MAP3K3: variants seen among roughly 807,000 people sequenced by gnomAD.
MAP3K3 encodes the protein mitogen-activated protein kinase kinase kinase 3.
MAP3K3 carries 12 observed loss-of-function variants against 80.9 expected under a neutral mutation model. The observed-to-expected ratio is 0.15, with a 90% CI of 0.10 to 0.24. The LOEUF is 0.24. Ranked by LOEUF, MAP3K3 falls within the 10% of genes least tolerant of loss-of-function variation. The pLI, the probability that MAP3K3 is intolerant of heterozygous loss-of-function variation, is 1.00. For missense variants in MAP3K3, 596 were observed against 834.7 expected (o/e 0.71, Z 3.52); for synonymous variants, 272 against 307.1 (o/e 0.89, Z 1.19).
At chr17:63,659,885 A>T (rs902881530) in intron 5 of MAP3K3, among the ~76,000 whole-genome samples, 2 of 152,106 alleles carry the variant, frequency 1.3e-5, no homozygotes, top group Non-Finnish European at 2.9e-5. Context: ...AATAAACTAG[A>T]GGTATATAAA....
intron 1 of MAP3K3, among the ~76,000 whole-genome samples, chr17:63,623,865 G>C (rs527915020): frequency 6.6e-6 from 1 of 152,306 alleles, no homozygotes; most frequent in African/African-American, 2.4e-5. Context: ...TGTGAAGAGG[G>C]AGCCTTAATG....
At chr17:63,684,426 A>T (rs1279691519) in intron 7 of MAP3K3, among the ~76,000 whole-genome samples, 5 of 152,206 alleles carry the variant, frequency 3.3e-5, no homozygotes, top group Admixed American at 2.6e-4. Context: ...TGGCTATCCT[A>T]TATCCTTAGC....
chr17:63,652,716 C>T (rs1253617025), intron 4 of MAP3K3, 60 bp downstream of exon 4: 2 of 1,114,392 alleles, frequency 1.8e-6, no homozygotes, highest in Admixed American at 1.8e-5. Flanking sequence ...TTTTTTCTCT[C>T]TGTTTACCAG....
chr17:63,638,479 C>T (rs903226367), intron 2 of MAP3K3, among the ~76,000 whole-genome samples: 1 of 152,112 alleles, frequency 6.6e-6, no homozygotes, highest in African/African-American at 2.4e-5. Context: ...GCTGTTGAGT[C>T]CAGACTTTGA....
chr17:63,646,602 A>G (rs1466093973), intron 3 of MAP3K3, among the ~76,000 whole-genome samples: 4 of 152,214 alleles, frequency 2.6e-5, no homozygotes, highest in Non-Finnish European at 5.9e-5. Flanking sequence ...GGACATAGAA[A>G]GAGGGAGTTT....
chr17:63,660,766 AT>A (rs749990089), intron 5 of MAP3K3, among the ~76,000 whole-genome samples: 2 of 147,638 alleles, frequency 1.4e-5, no homozygotes, highest in African/African-American at 2.5e-5. Context: ...CTAATTTTGT[AT>A]TTTTTTTTAG....
At chr17:63,662,760 C>T (rs1396298643) in intron 5 of MAP3K3, among the ~76,000 whole-genome samples, 1 of 148,966 alleles carries the variant, frequency 6.7e-6, no homozygotes, top group East Asian at 2.0e-4. Flanking sequence ...CGGGTTCAAG[C>T]GATTCTCCTG....
Position 63,691,559 on chromosome 17 carries a change from G to T in MAP3K3, c.1345-174G>T, listed in dbSNP as rs780177464. On this transcript the variant is annotated intron_variant, in intron 13 of 15. Coordinates refer to ENST00000361733, the MANE Select transcript of MAP3K3 (RefSeq NM_002401.5). The surrounding 1 kb of genome is among the most constrained non-coding windows in gnomAD (Gnocchi z 4.8). ...TTTGGGTGGCGCTCTGCTTGAGAAG[G>T]ACTTGGGGTACTCTCTTTTCCAAAC... is the stretch of plus-strand genomic sequence containing the variant. Among the ~76,000 whole-genome samples, 1 of 152,136 alleles carries T rather than the reference G, an allele frequency of 6.6e-6. No homozygotes were observed. Among genetic ancestry groups the T allele is most frequent in the African/African-American group, 2.4e-5 (1 of 41,422 alleles).
chr17:63,665,915 C>CT (rs2034990577), intron 5 of MAP3K3, among the ~76,000 whole-genome samples: 1 of 152,110 alleles, frequency 6.6e-6, no homozygotes, highest in African/African-American at 2.4e-5. Context: ...TTAGATCGGA[C>CT]TTTTTTTGTT....
At chr17:63,632,909 T>C (rs1257614621) in intron 2 of MAP3K3, 107 bp downstream of exon 2, 4 of 1,409,610 alleles carry the variant, frequency 2.8e-6, no homozygotes, top group Admixed American at 2.0e-5. Context: ...TGAATGCTTT[T>C]GACCCCTTCC....
chr17:63,650,310 A>T (rs1171719728), intron 3 of MAP3K3, among the ~76,000 whole-genome samples: 1 of 151,688 alleles, frequency 6.6e-6, no homozygotes, highest in Non-Finnish European at 1.5e-5. Context: ...TTATTTATTT[A>T]TTTTTTTGAG....
Position 63,667,028 on chromosome 17 carries a change from C to T in MAP3K3, c.470C>T (p.Pro157Leu), listed in dbSNP as rs763617586. The change falls in exon 6 of 16, where the codon CCC (proline) becomes CTC (leucine). Residue 157 changes from proline (P) to leucine (L), a missense_variant. By Grantham distance (98) the Pro-to-Leu change is moderately conservative (BLOSUM62 -3). This residue lies in a region of MAP3K3 where 232 missense variants were observed against 245.8 expected (regional missense o/e 0.94). Coordinates refer to ENST00000361733, the MANE Select transcript of MAP3K3 (RefSeq NM_002401.5). ...GGGGATATAAATACTATCTACCAGC[C>T]CCCCGAGCCCAGAAGCAGGCACCTC... The part of the protein sequence containing the change: ...SAGDINTIYQ[P>L]PEPRSRHLSV... The T allele has an allele frequency of 5.6e-6, 9 of 1,610,716 alleles. No individual in the cohort carries two copies.
intron 1 of MAP3K3, among the ~76,000 whole-genome samples, chr17:63,626,375 A>G (rs185784344): frequency 1.2e-3 from 190 of 152,364 alleles, no homozygotes; most frequent in African/African-American, 4.2e-3. Flanking sequence ...AGAGAGATCA[A>G]TTCTGTCGTT....
chr17:63,693,493 G>A lies in MAP3K3; in HGVS notation c.1653-56G>A, dbSNP rs982806720. On this transcript the variant is annotated intron_variant, in intron 15 of 15. Transcript: ENST00000361733. The surrounding 1 kb of genome is among the most constrained non-coding windows in gnomAD (Gnocchi z 4.2). Reference sequence around the variant, plus strand: ...GCGCCTCTTTCTGCAGTGGTGGGCAGGACAGCTGGGAGTCCAGGGCTGGCT... The same window carrying A: ...GCGCCTCTTTCTGCAGTGGTGGGCAAGACAGCTGGGAGTCCAGGGCTGGCT... 5.4e-6 allele frequency: 8 copies of A among 1,491,178 alleles called. No homozygotes were observed. In the African/African-American group the frequency reaches 9.9e-5, roughly 18 times the overall value. 92.4% of individuals were successfully genotyped at this position (1,491,178 alleles called of 1,614,324 possible).
Position 63,694,872 on chromosome 17 carries a change from C to T in MAP3K3, c.*1095C>T. ...TCTTCCTCAGCCAGCCTCGCCCATC[C>T]CCTTGAGGTCTCAGCCCCTTTCCCT... On this transcript the variant is annotated 3_prime_UTR_variant, in exon 16 of 16. Transcript: ENST00000361733. 1 of 154,184 alleles carries T rather than the reference C, an allele frequency of 6.5e-6. No individual in the cohort carries two copies. Among genetic ancestry groups the T allele is most frequent in the Non-Finnish European group, 1.4e-5 (1 of 69,268 alleles). 9.6% of individuals were successfully genotyped at this position (154,184 alleles called of 1,614,324 possible).
intron 2 of MAP3K3, chr17:63,637,140 C>T (rs1169456817): frequency 2.8e-5 from 8 of 290,344 alleles, no homozygotes; most frequent in East Asian, 1.5e-4. Context: ...TGCGTGCATG[C>T]GCACGTGTGC....
At chr17:63,672,379 A>G (rs940328488) in intron 6 of MAP3K3, among the ~76,000 whole-genome samples, 5 of 152,038 alleles carry the variant, frequency 3.3e-5, no homozygotes, top group Non-Finnish European at 7.4e-5. Context: ...AATAAATGGC[A>G]TCGCCTTTCA....
At chr17:63,629,488 A>G (rs2034173644) in intron 1 of MAP3K3, among the ~76,000 whole-genome samples, 1 of 152,218 alleles carries the variant, frequency 6.6e-6, no homozygotes, top group South Asian at 2.1e-4. Context: ...AGTGCTGATA[A>G]TTCAGTTAGT....
chr17:63,654,333 T>TTTTTTTTTTTTTTTTTTTTGA (rs1299210909), intron 4 of MAP3K3, among the ~76,000 whole-genome samples: 1 of 150,440 alleles, frequency 6.6e-6, no homozygotes, highest in African/African-American at 2.5e-5. Flanking sequence ...TGACCTTTTT[T>TTTTTTTTTTTTTTTTTTTTGA]GTCTGGCTTC....
Sources: gnomAD v4.1 joint callset for allele counts (sites outside exome capture counted in the v4.1 genomes callset) on GRCh38, gnomAD v4.1.1 for gene constraint, gnomAD v4.1.1 regional missense constraint, Gnocchi (gnomAD v3.1) non-coding constraint, MANE v1.5 for transcripts, NCBI Gene and HGNC (gene_info 2026-07-23, HGNC 2026-07-21) for gene names.